The following MAGI2 variants were observed in gnomAD, a reference collection of about 807,000 sequenced individuals.
The protein encoded by MAGI2 is membrane-associated guanylate kinase, WW and PDZ domain-containing protein 2.
Under a neutral mutation model 133.3 loss-of-function variants are expected in MAGI2, and 35 were observed. The ratio of observed to expected loss-of-function variants is 0.26; its 90% CI spans 0.20 to 0.35. MAGI2 has a LOEUF of 0.35. Among genes scored for constraint, MAGI2 ranks in the 10% least tolerant of loss-of-function variants. The pLI is 1.00. For synonymous variants in MAGI2, 729 were observed against 710.6 expected, an observed-to-expected ratio of 1.03 and a Z score of -0.41; for missense variants, 1,636 against 1,863.4, an observed-to-expected ratio of 0.88 and a Z score of 2.25.
intron 20 of MAGI2, among the ~76,000 whole-genome samples, chr7:78,083,808 T>G (rs918144822): frequency 3.3e-5 from 5 of 152,230 alleles, no homozygotes; most frequent in Admixed American, 3.3e-4. Flanking sequence ...TTTCTTTTTT[T>G]GCCTATGGAA....
chr7:78,349,831 G>T (rs1791311608), intron 7 of MAGI2, among the ~76,000 whole-genome samples: 3 of 152,140 alleles, frequency 2.0e-5, no homozygotes, highest in Admixed American at 2.0e-4. Context: ...CTTCCAAAAT[G>T]AATAGTTTCA....
intron 1 of MAGI2, among the ~76,000 whole-genome samples, chr7:79,313,298 G>A (rs1838440388): frequency 6.6e-6 from 1 of 152,080 alleles, no homozygotes; most frequent in Non-Finnish European, 1.5e-5. Flanking sequence ...TCCAAAATTG[G>A]TTTTAATAAA....
intron 2 of MAGI2, among the ~76,000 whole-genome samples, chr7:78,667,379 A>AAT (rs1813726146): frequency 1.4e-5 from 2 of 141,948 alleles, no homozygotes; most frequent in African/African-American, 5.2e-5. Flanking sequence ...TTTTTTTTTT[A>AAT]ATTTTTTAAA....
chr7:78,132,529 A>G (rs1057189382), intron 18 of MAGI2, among the ~76,000 whole-genome samples: 2 of 152,124 alleles, frequency 1.3e-5, no homozygotes, highest in Non-Finnish European at 2.9e-5. Context: ...GCCACCCCAT[A>G]TATTGGCCGC....
At chr7:78,754,810 C>T (rs1441367180) in intron 2 of MAGI2, among the ~76,000 whole-genome samples, 1 of 152,194 alleles carries the variant, frequency 6.6e-6, no homozygotes, top group Non-Finnish European at 1.5e-5. Context: ...AAGTCAGCTT[C>T]CTTCACCACT....
rs766054170 is a variant in MAGI2 at position 78,256,573 on chromosome 7, T to G, written c.1417A>C (p.Ile473Leu). ...QDGKMETGDV[I>L]VYINEVCVLG... Reference sequence around the variant, plus strand: ...ACACAAACTTCATTAATATAGACAATGACATCACCTGTAAGAAAAAAAGAG... The same window carrying G: ...ACACAAACTTCATTAATATAGACAAGGACATCACCTGTAAGAAAAAAAGAG... The change falls in exon 10 of 22, where the codon ATT becomes CTT. Residue 473 changes from isoleucine to leucine, a missense_variant. Physicochemically the swap from Ile to Leu is conservative, Grantham distance 5. This residue lies in a region of MAGI2 where 920 missense variants were observed against 1,093.5 expected (regional missense o/e 0.84). Coordinates refer to ENST00000354212, the MANE Select transcript of MAGI2 (RefSeq NM_012301.4). The G allele has an allele frequency of 2.5e-6, 4 of 1,609,208 alleles. No individual in the cohort carries two copies. In the South Asian group the frequency reaches 4.4e-5, roughly 18 times the overall value.
chr7:78,643,838 A>G (rs1447713715), intron 2 of MAGI2, among the ~76,000 whole-genome samples: 1 of 151,968 alleles, frequency 6.6e-6, no homozygotes, highest in Non-Finnish European at 1.5e-5. Flanking sequence ...AAAGATGTGT[A>G]ATAGAAAGCC....
chr7:78,715,788 T>G (rs1819640406), intron 2 of MAGI2, among the ~76,000 whole-genome samples: 1 of 71,584 alleles, frequency 1.4e-5, no homozygotes. Flanking sequence ...ATAACTGGCA[T>G]TTTTCCTGGG....
chr7:78,498,461 G>A (rs1794328580), intron 5 of MAGI2, among the ~76,000 whole-genome samples: 1 of 152,154 alleles, frequency 6.6e-6, no homozygotes. Flanking sequence ...CAATGACAAT[G>A]GGTGGGAATG....
intron 3 of MAGI2, among the ~76,000 whole-genome samples, chr7:78,560,786 T>A (rs1401873237): frequency 6.6e-6 from 1 of 152,208 alleles, no homozygotes; most frequent in East Asian, 1.9e-4. Flanking sequence ...CCTGCTCTTA[T>A]AAAGCTGGAT....
chr7:78,761,685 T>G (rs1186535930), intron 2 of MAGI2, among the ~76,000 whole-genome samples: 1 of 152,118 alleles, frequency 6.6e-6, no homozygotes, highest in Non-Finnish European at 1.5e-5. Context: ...CTCGAACTCC[T>G]GACCTTAGAT....
intron 2 of MAGI2, among the ~76,000 whole-genome samples, chr7:78,935,922 T>C (rs1800474570): frequency 6.6e-6 from 1 of 152,072 alleles, no homozygotes; most frequent in South Asian, 2.1e-4. Flanking sequence ...CACATCCAAC[T>C]TAAAAGAGAC....
intron 9 of MAGI2, among the ~76,000 whole-genome samples, chr7:78,332,437 G>T (rs1328564083): frequency 6.6e-6 from 1 of 152,174 alleles, no homozygotes; most frequent in Non-Finnish European, 1.5e-5. Context: ...AGTGGCTCAC[G>T]CCTGTAATCC....
chr7:78,741,242 C>T (rs1822389308), intron 2 of MAGI2, among the ~76,000 whole-genome samples: 1 of 151,900 alleles, frequency 6.6e-6, no homozygotes, highest in Admixed American at 6.6e-5. Context: ...AGCTTTCAAA[C>T]AGGTTTAAAT....
At chr7:78,671,952 C>A (rs929489072) in intron 2 of MAGI2, among the ~76,000 whole-genome samples, 1 of 152,064 alleles carries the variant, frequency 6.6e-6, no homozygotes, top group Non-Finnish European at 1.5e-5. Context: ...TTCTCTGCTT[C>A]CAAAAAAGTG....
intron 3 of MAGI2, among the ~76,000 whole-genome samples, chr7:78,574,552 A>G (rs1170278271): frequency 6.6e-6 from 1 of 152,254 alleles, no homozygotes; most frequent in Non-Finnish European, 1.5e-5. Flanking sequence ...ATGGCATTGT[A>G]ACTCATTAAG....
chr7:79,166,231 A>G (rs1824892621), intron 1 of MAGI2, among the ~76,000 whole-genome samples: 1 of 152,036 alleles, frequency 6.6e-6, no homozygotes, highest in Non-Finnish European at 1.5e-5. Flanking sequence ...ATTAGCTTAC[A>G]TCATATAGCA....
chr7:78,291,980 T>C (rs1220882281), intron 9 of MAGI2, among the ~76,000 whole-genome samples: 1 of 152,188 alleles, frequency 6.6e-6, no homozygotes, highest in East Asian at 1.9e-4. Context: ...AATATCATAC[T>C]GAATGGGCAA....
intron 2 of MAGI2, among the ~76,000 whole-genome samples, chr7:78,668,105 T>C (rs1269034298): frequency 6.6e-6 from 1 of 152,336 alleles, no homozygotes. Context: ...TGAGATGGTA[T>C]CTCATTGTGG....
Sources: allele counts gnomAD v4.1 joint callset (sites outside exome capture counted in the v4.1 genomes callset), GRCh38; gene constraint gnomAD v4.1.1; regional missense constraint gnomAD v4.1.1; transcripts MANE v1.5; gene names NCBI Gene and HGNC (gene_info 2026-07-23, HGNC 2026-07-21).